TMEM245: variants seen among roughly 807,000 people sequenced by gnomAD.
The protein encoded by TMEM245 is transmembrane protein 245, also known as protein CG-2.
TMEM245 carries 69 observed loss-of-function variants against 101.2 expected under a neutral mutation model. That is an observed-to-expected ratio of 0.68 (90% CI 0.56 to 0.83). TMEM245 has a LOEUF of 0.83. Among genes scored for constraint, TMEM245 ranks in the 40% least tolerant of loss-of-function variants. The pLI is 0.00. For synonymous variants in TMEM245, 537 were observed against 449.8 expected (o/e 1.19, Z -2.45); for missense variants, 1,075 against 1,092.8 (o/e 0.98, Z 0.23).
intron 7 of TMEM245, among the ~76,000 whole-genome samples, chr9:109,081,962 A>C (rs1001479035): frequency 6.6e-6 from 1 of 152,228 alleles, no homozygotes; most frequent in Non-Finnish European, 1.5e-5. Flanking sequence ...CTAACATTTC[A>C]AAACTACATT....
At position 109,093,589 on chromosome 9, in the gene TMEM245, C is replaced by T. The variant is rs1454504244; in HGVS notation, c.802G>A (p.Ala268Thr). ...EKQNGKESSGAELPGQVISMA... is the reference protein window; with the variant it reads ...EKQNGKESSGTELPGQVISMA... ...GAGATAACCTGCCCTGGTAACTCTG[C>T]CCCTGTAAAAGAAGCATCCATTTTC... is the stretch of plus-strand genomic sequence containing the variant. The change falls in exon 4 of 18, where the codon GCA (alanine) becomes ACA (threonine). Residue 268 changes from alanine to threonine, a missense_variant and splice_region_variant. Physicochemically the swap from Ala to Thr is moderately conservative, Grantham distance 58. Coordinates refer to ENST00000374586, the MANE Select transcript of TMEM245 (RefSeq NM_032012.4). 1.2e-6 allele frequency: 2 copies of T among 1,612,950 alleles called. No individual in the cohort carries two copies.
At chr9:109,053,958 T>C (rs542994675) in intron 12 of TMEM245, among the ~76,000 whole-genome samples, 74 of 152,180 alleles carry the variant, frequency 4.9e-4, no homozygotes, top group Non-Finnish European at 6.9e-4. Context: ...TTCCAATCTT[T>C]CTTATCTTTA....
intron 17 of TMEM245, among the ~76,000 whole-genome samples, chr9:109,031,827 A>G (rs1037889413): frequency 4.6e-5 from 7 of 152,262 alleles, no homozygotes; most frequent in African/African-American, 9.6e-5. Flanking sequence ...TTCAAACATT[A>G]TAATTTATTT....
intron 9 of TMEM245, among the ~76,000 whole-genome samples, chr9:109,071,923 CTAGAGAG>C (rs139151314): frequency 0.14 from 20,870 of 152,048 alleles, 1,798 homozygotes; most frequent in Middle Eastern, 0.2. Flanking sequence ...CTGTAAAGGA[CTAGAGAG>C]TAAGTATTTT....
intron 14 of TMEM245, 85 bp downstream of exon 14, chr9:109,050,198 T>C: frequency 6.7e-6 from 10 of 1,503,326 alleles, no homozygotes; most frequent in Non-Finnish European, 9.1e-6. Context: ...CACTGAATGT[T>C]ATCAGGATGC....
intron 1 of TMEM245, among the ~76,000 whole-genome samples, chr9:109,115,084 T>C (rs1830679334): frequency 6.6e-6 from 1 of 152,152 alleles, no homozygotes; most frequent in Non-Finnish European, 1.5e-5. Flanking sequence ...CAGTAGCTCA[T>C]GCCTGTAATC....
At chr9:109,041,559 G>T (rs999829036) in intron 14 of TMEM245, among the ~76,000 whole-genome samples, 1 of 148,512 alleles carries the variant, frequency 6.7e-6, no homozygotes, top group African/African-American at 2.5e-5. Flanking sequence ...CACCTCCTGG[G>T]CTCAAGTGAT....
chr9:109,095,432 T>G (rs1173842799), intron 3 of TMEM245, among the ~76,000 whole-genome samples: 3 of 152,196 alleles, frequency 2.0e-5, no homozygotes, highest in Non-Finnish European at 4.4e-5. Context: ...AACAATATCT[T>G]GGGCAGAAGG....
At chr9:109,067,256 C>T (rs550936178) in intron 9 of TMEM245, among the ~76,000 whole-genome samples, 1 of 152,164 alleles carries the variant, frequency 6.6e-6, no homozygotes, top group African/African-American at 2.4e-5. Context: ...TGGCTCAGTC[C>T]CAGCCTCCCT....
intron 17 of TMEM245, among the ~76,000 whole-genome samples, chr9:109,029,709 G>A (rs1309614087): frequency 6.6e-6 from 1 of 152,180 alleles, no homozygotes; most frequent in Non-Finnish European, 1.5e-5. Context: ...ATGCAAGGGA[G>A]AGTTGAGGGA....
chr9:109,059,341 C>G (rs367722696), intron 11 of TMEM245, among the ~76,000 whole-genome samples: 1 of 152,146 alleles, frequency 6.6e-6, no homozygotes, highest in Non-Finnish European at 1.5e-5. Context: ...CCCTCCTCCC[C>G]CTCCACCCTA....
chr9:109,043,311 A>G (rs1030113536), intron 14 of TMEM245, among the ~76,000 whole-genome samples: 5 of 152,178 alleles, frequency 3.3e-5, no homozygotes, highest in Non-Finnish European at 2.9e-5. Flanking sequence ...CCTAAAGGTG[A>G]CCATGTATGA....
chr9:109,063,133 T>G (rs956326684), intron 10 of TMEM245, among the ~76,000 whole-genome samples: 2 of 152,092 alleles, frequency 1.3e-5, no homozygotes, highest in African/African-American at 4.8e-5. Context: ...TTTTTTTTCT[T>G]TTTTTTGAGA....
chr9:109,050,825 G>T, intron 12 of TMEM245, 133 bp from the exon 13 acceptor site: 4 of 909,524 alleles, frequency 4.4e-6, no homozygotes, highest in Non-Finnish European at 3.0e-6. Flanking sequence ...TATTTCAAAT[G>T]AAAATTAAAA....
chr9:109,093,336 T>C (rs1830057577), intron 4 of TMEM245, 139 bp downstream of exon 4: 2 of 696,068 alleles, frequency 2.9e-6, no homozygotes, highest in South Asian at 2.0e-5. Flanking sequence ...GAAAAGGGCA[T>C]AAAAATAGGA....
chr9:109,112,796 G>A (rs761161551), intron 1 of TMEM245, among the ~76,000 whole-genome samples: 4 of 152,130 alleles, frequency 2.6e-5, no homozygotes, highest in South Asian at 2.1e-4. Context: ...GGGATAATTC[G>A]GCCGGGCGCG....
chr9:109,064,482 G>A lies in TMEM245; in HGVS notation c.1618C>T (p.His540Tyr). The A allele has an allele frequency of 6.2e-7, 1 of 1,612,778 alleles. No homozygotes were observed. ...VYQYGREWIT[H>Y]KLHKILGDKV... ...AAGAAAGTTTCTTCCCTTACCTTGTGAGTTATCCATTCTCGTCCATACTGA... is the reference window on the plus strand; with the variant it reads ...AAGAAAGTTTCTTCCCTTACCTTGTAAGTTATCCATTCTCGTCCATACTGA... The change falls in exon 10 of 18, where the codon CAC becomes TAC. Residue 540 changes from histidine (H) to tyrosine (Y), a missense_variant. Around this residue, in one of 2 missense-constraint regions of TMEM245, gnomAD observed 808 missense variants for 741.5 expected, o/e 1.09. Transcript: ENST00000374586.
chr9:109,041,305 C>T (rs184127238), intron 14 of TMEM245, among the ~76,000 whole-genome samples: 1 of 152,082 alleles, frequency 6.6e-6, no homozygotes, highest in East Asian at 1.9e-4. Context: ...GAAGGAAATC[C>T]TGTCATTTGC....
In TMEM245 at chr9:109,086,878, G is replaced by A. The variant is rs182743849; in HGVS notation, c.1320+295C>T. ...GCCACTACCTAGCTACATAATTTTA[G>A]GCAAGTCGCTTAACCTCTCTGGATT... On this transcript the variant is annotated intron_variant, in intron 6 of 17. Transcript: ENST00000374586. Among the ~76,000 whole-genome samples, 3 of 152,250 alleles carry A rather than the reference G, an allele frequency of 2.0e-5. No individual in the cohort carries two copies. The East Asian group carries it at 5.8e-4, about 29-fold the overall frequency.
Sources: gnomAD v4.1 joint callset for allele counts (sites outside exome capture counted in the v4.1 genomes callset) on GRCh38, gnomAD v4.1.1 for gene constraint, gnomAD v4.1.1 regional missense constraint, MANE v1.5 for transcripts, NCBI Gene and HGNC (gene_info 2026-07-23, HGNC 2026-07-21) for gene names.